ARID4B: variants seen among roughly 807,000 people sequenced by gnomAD.
ARID4B encodes AT-rich interaction domain 4B, also known as AT-rich interactive domain-containing protein 4B.
Under a neutral mutation model 147.5 loss-of-function variants are expected in ARID4B, and 26 were observed. The ratio of observed to expected loss-of-function variants is 0.18; its 90% CI spans 0.13 to 0.24. ARID4B has a LOEUF of 0.24. Ranked by LOEUF, ARID4B falls within the 10% of genes least tolerant of loss-of-function variation. The probability of loss-of-function intolerance (pLI) is 1.00; values close to 1 mark genes in which losing one functional copy is unlikely to be tolerated. For synonymous variants in ARID4B, 512 were observed against 507.9 expected (o/e 1.01, Z -0.11); for missense variants, 1,179 against 1,511.5 (o/e 0.78, Z 3.65).
At chr1:235,198,037 G>C (rs1322374538) in intron 17 of ARID4B, among the ~76,000 whole-genome samples, 1 of 152,142 alleles carries the variant, frequency 6.6e-6, no homozygotes, top group Admixed American at 6.5e-5. Context: ...TGCTCTATTA[G>C]AAGAGTTATG....
chr1:235,254,771 A>G (rs1314560674), intron 5 of ARID4B, among the ~76,000 whole-genome samples: 1 of 152,046 alleles, frequency 6.6e-6, no homozygotes, highest in Non-Finnish European at 1.5e-5. Flanking sequence ...AAGAGCCAGC[A>G]ACTCAAAACG....
Position 235,323,225 on chromosome 1 carries a change from A to C in ARID4B, c.6+3689T>G, listed in dbSNP as rs571884469. On this transcript the variant is annotated intron_variant, in intron 2 of 23. Coordinates refer to ENST00000264183, the MANE Select transcript of ARID4B (RefSeq NM_016374.6). ...GCTAATTTTTTTATACTTTTAGTAG[A>C]GACGGGGTTTTCATCACTTTGGCCA... is the stretch of plus-strand genomic sequence containing the variant. Among the ~76,000 whole-genome samples, 3 of 151,926 alleles carry C rather than the reference A, an allele frequency of 2.0e-5. No individual in the cohort carries two copies. In the South Asian group the frequency reaches 6.2e-4, roughly 32 times the overall value.
intron 8 of ARID4B, among the ~76,000 whole-genome samples, chr1:235,236,833 A>ATATATATATAT (rs1668597409): frequency 1.2e-4 from 4 of 33,520 alleles, no homozygotes; most frequent in African/African-American, 1.5e-4. Flanking sequence ...TTTTATAAAA[A>ATATATATATAT]ATATATATAT....
intron 20 of ARID4B, chr1:235,180,107 C>T (rs1396610468): frequency 2.7e-5 from 4 of 148,232 alleles, no homozygotes; most frequent in African/African-American, 9.9e-5. Context: ...AACAATAAAA[C>T]CTGTTTTTTT....
intron 6 of ARID4B, among the ~76,000 whole-genome samples, chr1:235,248,811 A>T (rs1244166776): frequency 1.3e-5 from 2 of 152,148 alleles, no homozygotes; most frequent in African/African-American, 4.8e-5. Context: ...GTTTCAAGGG[A>T]CTAAAAAGAC....
chr1:235,193,572 T>C (rs540612257), intron 19 of ARID4B, among the ~76,000 whole-genome samples: 107 of 152,214 alleles, frequency 7.0e-4, no homozygotes, highest in Admixed American at 6.9e-3. Context: ...ATGCTAAAAG[T>C]TGAATATTAA....
At chr1:235,286,516 C>A (rs978761376) in intron 2 of ARID4B, among the ~76,000 whole-genome samples, 1 of 151,958 alleles carries the variant, frequency 6.6e-6, no homozygotes, top group African/African-American at 2.4e-5. Flanking sequence ...CGAAGAAGGA[C>A]GTAAATCTAT....
At chr1:235,264,474 T>C (rs1344842287) in intron 2 of ARID4B, among the ~76,000 whole-genome samples, 1 of 152,198 alleles carries the variant, frequency 6.6e-6, no homozygotes, top group Non-Finnish European at 1.5e-5. Flanking sequence ...GACTGATTAA[T>C]AGCACAGGCT....
At chr1:235,230,608 A>AAAC (rs1558226980) in intron 10 of ARID4B, among the ~76,000 whole-genome samples, 19 of 131,884 alleles carry the variant, frequency 1.4e-4, no homozygotes, top group Non-Finnish European at 2.3e-4. Flanking sequence ...AAAAAAAAAA[A>AAAC]AAAAAAAACC....
intron 10 of ARID4B, 76 bp downstream of exon 10, chr1:235,231,017 TAAAGAAAAATTTTAAAGAGC>T (rs1668191753): frequency 2.4e-6 from 2 of 847,218 alleles, no homozygotes. Context: ...AAACATAATT[TAAAGAAAAATTTTAAAGAGC>T]AAAGAAAAAT....
Position 235,194,176 on chromosome 1 carries a change from T to C in ARID4B, c.1962A>G (p.Lys654=). 1.2e-6 allele frequency: 2 copies of C among 1,612,310 alleles called. No individual in the cohort carries two copies. The highest frequency in any genetic ancestry group is 1.7e-6 in the Non-Finnish European group (2 of 1,178,456). The change falls in exon 19 of 24, where the codon AAA becomes AAG. Residue 654 remains lysine, a synonymous_variant. Transcript: ENST00000264183. ...KLDKEKDKDE[K]YSPKNCKLRR... is the part of the protein sequence containing the mutation. ...GAAGTTTACAGTTTTTTGGAGAGTA[T>C]TTTTCATCTTTGTCTTTTTCTTTGT... is the stretch of plus-strand genomic sequence containing the variant.
chr1:235,198,864 C>T (rs1665682340), intron 17 of ARID4B, among the ~76,000 whole-genome samples: 1 of 152,188 alleles, frequency 6.6e-6, no homozygotes, highest in African/African-American at 2.4e-5. Flanking sequence ...CTTTGGAAGG[C>T]TGAGGTGGAC....
chr1:235,284,261 G>C (rs1671838621), intron 2 of ARID4B, among the ~76,000 whole-genome samples: 2 of 152,194 alleles, frequency 1.3e-5, no homozygotes, highest in South Asian at 4.1e-4. Flanking sequence ...TCGGGAGGCT[G>C]AGGCAGAAGA....
intron 11 of ARID4B, 87 bp from the exon 12 acceptor site, chr1:235,224,862 T>C: frequency 1.1e-6 from 1 of 898,100 alleles, no homozygotes; most frequent in Non-Finnish European, 1.7e-6. Context: ...CAAAGACTAG[T>C]GTTCATTAAA....
At chr1:235,212,171 G>T (rs1666758664) in intron 17 of ARID4B, among the ~76,000 whole-genome samples, 1 of 152,114 alleles carries the variant, frequency 6.6e-6, no homozygotes, top group Non-Finnish European at 1.5e-5. Flanking sequence ...CTTGAGCCTG[G>T]GAGGTGGAAG....
chr1:235,310,481 A>T (rs1425146908), intron 2 of ARID4B, among the ~76,000 whole-genome samples: 1 of 152,188 alleles, frequency 6.6e-6, no homozygotes, highest in Non-Finnish European at 1.5e-5. Flanking sequence ...CTTCGACCAT[A>T]AAAAGGGAAA....
rs1331182617 is a variant in ARID4B, at chr1:235,255,739, A to G, written c.195T>C (p.Ile65=). 1.2e-6 allele frequency: 2 copies of G among 1,608,152 alleles called. No individual in the cohort carries two copies. The highest frequency in any genetic ancestry group is 2.7e-5 in the African/African-American group (2 of 74,650). ...HIKGPLKVGA[I]VEVKNLDGAY... Reference sequence around the variant, plus strand: ...CACCATCAAGATTCTTCACTTCCACAATAGCTCCTACCTAAAGTATTTTTA... The same window carrying G: ...CACCATCAAGATTCTTCACTTCCACGATAGCTCCTACCTAAAGTATTTTTA... The change falls in exon 5 of 24, where the codon ATT becomes ATC. Residue 65 remains isoleucine, a synonymous_variant. Coordinates refer to ENST00000264183, the MANE Select transcript of ARID4B (RefSeq NM_016374.6).
intron 2 of ARID4B, among the ~76,000 whole-genome samples, chr1:235,275,844 C>T (rs1315267169): frequency 6.6e-6 from 1 of 152,130 alleles, no homozygotes; most frequent in Admixed American, 6.5e-5. Context: ...TCAAAATATA[C>T]AAAAATCCTG....
rs1443617081 is a variant in ARID4B at position 235,167,993 on chromosome 1, C to G, written c.*532G>C. 2.0e-5 allele frequency: 4 copies of G among 195,936 alleles called. No homozygotes were observed. The highest frequency in any genetic ancestry group is 6.9e-5 in the African/African-American group (3 of 43,242). The allele number at this position is 195,936 out of a possible 1,614,324, so 12.1% of individuals were successfully genotyped here. On this transcript the variant is annotated 3_prime_UTR_variant, in exon 24 of 24. Coordinates refer to ENST00000264183, the MANE Select transcript of ARID4B (RefSeq NM_016374.6). ...AATATTTGGTTACCAGGATTGATGT[C>G]TAATATCCTGTTAACTGCAGGTTTT...
Sources: gnomAD v4.1 joint callset for allele counts (sites outside exome capture counted in the v4.1 genomes callset) on GRCh38, gnomAD v4.1.1 for gene constraint, MANE v1.5 for transcripts, NCBI Gene and HGNC (gene_info 2026-07-23, HGNC 2026-07-21) for gene names.